The following CYP27C1 variants were observed in gnomAD, a reference collection of about 807,000 sequenced individuals.
CYP27C1 encodes cytochrome P450 family 27 subfamily C member 1.
A neutral mutation model predicts 40.6 loss-of-function variants in CYP27C1; 29 were observed. That is an observed-to-expected ratio of 0.71 (90% CI 0.53 to 0.97). The LOEUF is 0.97. Ranked by LOEUF, CYP27C1 falls within the 50% of genes least tolerant of loss-of-function variation. CYP27C1 has a pLI of 0.00. For synonymous variants in CYP27C1, 198 were observed against 186.8 expected, an observed-to-expected ratio of 1.06 and a Z score of -0.49; for missense variants, 390 against 485.8, an observed-to-expected ratio of 0.80 and a Z score of 1.85.
At chr2:127,212,357 C>T (rs1330218362) in intron 1 of CYP27C1, among the ~76,000 whole-genome samples, 4 of 152,062 alleles carry the variant, frequency 2.6e-5, no homozygotes, top group Non-Finnish European at 4.4e-5. Flanking sequence ...CAGGAAGAGA[C>T]AGAATAAAAA....
chr2:127,211,361 GTTTTTTTGTTTTTT>G (rs869262979), intron 1 of CYP27C1, among the ~76,000 whole-genome samples: 13,794 of 102,562 alleles, frequency 0.13, 1,505 homozygotes, highest in South Asian at 0.23. Flanking sequence ...CTAAAGCAGT[GTTTTTTTGTTTTTT>G]TTTTTTTTTT....
chr2:127,187,745 G>A (rs977427007), intron 8 of CYP27C1, among the ~76,000 whole-genome samples: 7 of 152,148 alleles, frequency 4.6e-5, no homozygotes, highest in Non-Finnish European at 7.3e-5. Flanking sequence ...AAGGAGCAGG[G>A]GGAAATGCGG....
intron 5 of CYP27C1, among the ~76,000 whole-genome samples, chr2:127,197,073 C>T (rs1361709435): frequency 6.6e-6 from 1 of 152,204 alleles, no homozygotes; most frequent in East Asian, 1.9e-4. Context: ...GGAACAGCTT[C>T]CTTCTGAATG....
In CYP27C1 at chr2:127,185,504, TA is replaced by T. The variant is rs1040143994; in HGVS notation, c.*1766del. The T allele has an allele frequency of 1.3e-5, 2 of 152,214 alleles. No individual in the cohort carries two copies. The highest frequency in any genetic ancestry group is 4.8e-5 in the African/African-American group (2 of 41,458). The allele number at this position is 152,214 out of a possible 1,614,324, so 9.4% of individuals were successfully genotyped here. ...ACAGAATGCAATTTCATCTAGTTTA[TA>T]AAACTTAATATACGTATACTGCTAC... On this transcript the variant is annotated 3_prime_UTR_variant, in exon 9 of 9. Transcript: ENST00000664447. The surrounding 1 kb of genome is among the most constrained non-coding windows in gnomAD (Gnocchi z 4.9).
chr2:127,213,423 A>G (rs1683370952), intron 1 of CYP27C1, among the ~76,000 whole-genome samples: 1 of 152,224 alleles, frequency 6.6e-6, no homozygotes, highest in African/African-American at 2.4e-5. Flanking sequence ...CTATACTACA[A>G]GGCTACGGTA....
chr2:127,194,754 T>C (rs1682863621), intron 6 of CYP27C1, among the ~76,000 whole-genome samples: 1 of 152,216 alleles, frequency 6.6e-6, no homozygotes, highest in Non-Finnish European at 1.5e-5. Flanking sequence ...TCAAAGGCCA[T>C]TGACCCAGGA....
chr2:127,193,062 C>G, intron 8 of CYP27C1, 32 bp downstream of exon 8: 1 of 1,611,930 alleles, frequency 6.2e-7, no homozygotes, highest in South Asian at 1.1e-5. Context: ...GAGGCCGAAC[C>G]CAAAGGCCAA....
At chr2:127,191,030 G>C (rs551725189) in intron 8 of CYP27C1, among the ~76,000 whole-genome samples, 4 of 151,346 alleles carry the variant, frequency 2.6e-5, no homozygotes, top group Non-Finnish European at 4.4e-5. Flanking sequence ...TGGATCACTT[G>C]AGGTCAATAG....
rs1683034384 is a variant in CYP27C1 at position 127,201,451 on chromosome 2, C to T, written c.674-120G>A. The T allele has an allele frequency of 1.1e-6, 1 of 893,036 alleles. No homozygotes were observed. Among genetic ancestry groups the T allele is most frequent in the Non-Finnish European group, 1.7e-6 (1 of 587,598 alleles). The allele number at this position is 893,036 out of a possible 1,614,324, so 55.3% of individuals were successfully genotyped here. A position where few individuals can be genotyped will look rare whatever the true frequency, so the allele number is the denominator to read the frequency against. On this transcript the variant is annotated intron_variant, in intron 3 of 8. Coordinates refer to ENST00000664447, the MANE Select transcript of CYP27C1 (RefSeq NM_001367502.1). The surrounding 1 kb of genome is among the most constrained non-coding windows in gnomAD (Gnocchi z 6.0). ...CAGGTGCCTTTCATGAATGAGGCAT[C>T]GTCCCTCTGAGGATTTCTCTGCATC...
intron 1 of CYP27C1, among the ~76,000 whole-genome samples, chr2:127,206,743 C>A (rs1242862222): frequency 6.6e-6 from 1 of 152,188 alleles, no homozygotes; most frequent in Non-Finnish European, 1.5e-5. Context: ...AACAGCTCTA[C>A]CCAAGCAGTA....
At chr2:127,212,076 G>T (rs577008164) in intron 1 of CYP27C1, among the ~76,000 whole-genome samples, 12 of 152,194 alleles carry the variant, frequency 7.9e-5, no homozygotes, top group Admixed American at 3.3e-4. Context: ...AGAAGAAATG[G>T]ATAAATTCCT....
At chr2:127,193,912 C>T (rs1682844372) in intron 6 of CYP27C1, 45 bp from the exon 7 acceptor site, 1 of 1,606,146 alleles carries the variant, frequency 6.2e-7, no homozygotes, top group South Asian at 1.1e-5. Context: ...GTGACTTTCA[C>T]AGTATTTTAT....
At position 127,201,083 on chromosome 2, in the gene CYP27C1, A is replaced by G. The variant is rs1258985399; in HGVS notation, c.883+39T>C. ...GTTAGACACACAACACGGCAGGTCAACCTGCTTCTGCAAAAGGTGCTCTCA... is the reference window on the plus strand; with the variant it reads ...GTTAGACACACAACACGGCAGGTCAGCCTGCTTCTGCAAAAGGTGCTCTCA... On this transcript the variant is annotated intron_variant, in intron 4 of 8. Coordinates refer to ENST00000664447, the MANE Select transcript of CYP27C1 (RefSeq NM_001367502.1). This position sits in a 1 kb window ranked among gnomAD's most constrained non-coding sequence, Gnocchi z 6.0. The G allele has an allele frequency of 6.9e-6, 11 of 1,598,684 alleles. No individual in the cohort carries two copies. In the Admixed American group the frequency reaches 1.8e-4, roughly 27 times the overall value.
At position 127,195,619 on chromosome 2, in the gene CYP27C1, C is replaced by T. The variant is rs534342952; in HGVS notation, c.1048-118G>A. The T allele has an allele frequency of 1.0e-4, 99 of 969,620 alleles. No individual in the cohort carries two copies. Among genetic ancestry groups the T allele is most frequent in the Non-Finnish European group, 1.4e-4 (95 of 657,196 alleles). The allele number at this position is 969,620 out of a possible 1,614,324, so 60.1% of individuals were successfully genotyped here. A position where few individuals can be genotyped will look rare whatever the true frequency, so the allele number is the denominator to read the frequency against. On this transcript the variant is annotated intron_variant, in intron 5 of 8. Coordinates refer to ENST00000664447, the MANE Select transcript of CYP27C1 (RefSeq NM_001367502.1). This position sits in a 1 kb window ranked among gnomAD's most constrained non-coding sequence, Gnocchi z 6.2. ...CACACAGCACAAAGTCAAACTCATC[C>T]AATTCCATATAGCACCTAATGTCTT...
At chr2:127,199,678 G>A (rs1162428071) in intron 4 of CYP27C1, 139 bp from the exon 5 acceptor site, 6 of 769,106 alleles carry the variant, frequency 7.8e-6, no homozygotes, top group East Asian at 2.9e-5. Context: ...TTTATCTAAC[G>A]TCAACCTGGG....
chr2:127,205,835 G>A, intron 2 of CYP27C1, 65 bp downstream of exon 2: 4 of 855,434 alleles, frequency 4.7e-6, no homozygotes, highest in Non-Finnish European at 5.5e-6. Context: ...CTCAGCTTTG[G>A]AGGAGGGGGC....
intron 7 of CYP27C1, 141 bp downstream of exon 7, chr2:127,193,648 C>T (rs1483977058): frequency 1.3e-5 from 12 of 889,016 alleles, no homozygotes; most frequent in Non-Finnish European, 2.1e-5. Context: ...CCCAACACCC[C>T]ATCTTCATCT....
chr2:127,197,193 G>A (rs565363633), intron 5 of CYP27C1, among the ~76,000 whole-genome samples: 10 of 152,156 alleles, frequency 6.6e-5, no homozygotes, highest in Non-Finnish European at 1.0e-4. Context: ...TAATTTGAGC[G>A]AATCCACACC....
chr2:127,210,744 C>G (rs762104444), intron 1 of CYP27C1, among the ~76,000 whole-genome samples: 3 of 149,682 alleles, frequency 2.0e-5, no homozygotes, highest in Non-Finnish European at 3.0e-5. Flanking sequence ...GACTTTAAAC[C>G]AACAAAGATC....
Sources: allele counts gnomAD v4.1 joint callset (sites outside exome capture counted in the v4.1 genomes callset), GRCh38; gene constraint gnomAD v4.1.1; non-coding constraint Gnocchi (gnomAD v3.1); transcripts MANE v1.5; gene names NCBI Gene and HGNC (gene_info 2026-07-23, HGNC 2026-07-21).